UPRT: variants seen among roughly 807,000 people sequenced by gnomAD.
UPRT encodes uracil phosphoribosyltransferase homolog, also known as RP11-311P8.3.
UPRT carries 5 observed loss-of-function variants against 22.6 expected under a neutral mutation model. That is an observed-to-expected ratio of 0.22 (90% CI 0.12 to 0.47). The LOEUF (loss-of-function observed/expected upper bound fraction) is 0.47. Ranked by LOEUF, UPRT falls within the 20% of genes least tolerant of loss-of-function variation. UPRT has a pLI of 0.99. For missense variants in UPRT, 181 were observed against 239.9 expected (o/e 0.75, Z 1.62); for synonymous variants, 77 against 87.7 (o/e 0.88, Z 0.68).
intron 4 of UPRT, among the ~76,000 whole-genome samples, chrX:75,199,014 C>T (rs1057002404): frequency 8.9e-6 from 1 of 112,042 alleles, no homozygotes; most frequent in Non-Finnish European, 1.9e-5. Context: ...ATTCACACAT[C>T]CCAGTGATCA....
chrX:75,292,538 G>T (rs2082712076), intron 1 of UPRT, among the ~76,000 whole-genome samples: 1 of 111,475 alleles, frequency 9.0e-6, no homozygotes, highest in South Asian at 3.7e-4. Flanking sequence ...GCAACTTGAG[G>T]CAAAAGAGTG....
At position 75,177,263 on chromosome X, in the gene UPRT, C is replaced by T. The variant is rs187056506; in HGVS notation, c.-447+9384C>T. On this transcript the variant is annotated intron_variant, in intron 4 of 13. Coordinates refer to the UPRT transcript ENST00000652605. ...CAGAAACAACCCCTGCCCAAGAACC[C>T]GCAATGGTCCCTGGACCCTGCTGAT... Among the ~76,000 whole-genome samples the T allele has an allele frequency of 6.9e-4, 75 of 108,862 alleles. 1 individual carries two copies. Among genetic ancestry groups the T allele is most frequent in the African/African-American group, 1.9e-3 (54 of 28,892 alleles). 94.5% of individuals were successfully genotyped at this position (108,862 alleles called of 115,157 possible). A position where few individuals can be genotyped will look rare whatever the true frequency, so the allele number is the denominator to read the frequency against.
At chrX:75,205,696 T>A (rs961299043) in intron 4 of UPRT, among the ~76,000 whole-genome samples, 3 of 111,830 alleles carry the variant, frequency 2.7e-5, no homozygotes, top group African/African-American at 9.8e-5. Flanking sequence ...CAGCCTGCAA[T>A]CCAGATGCAG....
intron 4 of UPRT, among the ~76,000 whole-genome samples, chrX:75,179,909 C>A (rs993793144): frequency 2.7e-5 from 3 of 112,992 alleles, no homozygotes; most frequent in Non-Finnish European, 3.7e-5. Context: ...CCCTCCACAC[C>A]TCCCTGCAAG....
intron 4 of UPRT, among the ~76,000 whole-genome samples, chrX:75,259,063 G>A (rs2082559165): frequency 9.0e-6 from 1 of 111,649 alleles, no homozygotes; most frequent in African/African-American, 3.3e-5. Flanking sequence ...CAAACAGAAA[G>A]GGATAGCATC....
chrX:75,189,700 C>T lies in UPRT; in HGVS notation c.-447+21821C>T, dbSNP rs764287379. ...GTGCATATATGTTTAGGATATTTAG[C>T]TCTTCTTGTTGAACTGATCCCTTTA... On this transcript the variant is annotated intron_variant, in intron 4 of 13. Coordinates refer to the UPRT transcript ENST00000652605. 4.8e-4 allele frequency among the ~76,000 whole-genome samples: 54 copies of T among 112,269 alleles called. 1 individual carries two copies. The highest frequency in any genetic ancestry group is 4.5e-3 in the South Asian group (12 of 2,669).
At chrX:75,209,068 G>A (rs2082373706) in intron 4 of UPRT, among the ~76,000 whole-genome samples, 1 of 111,933 alleles carries the variant, frequency 8.9e-6, no homozygotes, top group African/African-American at 3.3e-5. Flanking sequence ...GTAGGTAAAG[G>A]GAGTGTTAAA....
At chrX:75,203,516 TCACACACACACA>T (rs368566812) in intron 4 of UPRT, among the ~76,000 whole-genome samples, 4 of 64,621 alleles carry the variant, frequency 6.2e-5, no homozygotes, top group Non-Finnish European at 1.2e-4. Flanking sequence ...ACACACACAC[TCACACACACACA>T]CACACACACA....
At chrX:75,196,682 A>G (rs985261141) in intron 4 of UPRT, among the ~76,000 whole-genome samples, 2 of 111,503 alleles carry the variant, frequency 1.8e-5, no homozygotes, top group Non-Finnish European at 3.8e-5. Flanking sequence ...CCTTGTTTCT[A>G]CTAAAAATAC....
At chrX:75,179,074 G>A (rs756111590) in intron 4 of UPRT, among the ~76,000 whole-genome samples, 18 of 112,100 alleles carry the variant, frequency 1.6e-4, no homozygotes, top group African/African-American at 4.5e-4. Context: ...CCCTACTAGA[G>A]CAGCTAGACA....
In UPRT at chrX:75,303,595, G is replaced by T; in HGVS notation, c.*84G>T. On this transcript the variant is annotated 3_prime_UTR_variant, in exon 7 of 7. Transcript: ENST00000373383. ...TTGTTTTACTGATTCACTTGAGGGT[G>T]GCAGAGAAAAATGTGTTAAAATGCT... The T allele has an allele frequency of 1.2e-6, 1 of 808,236 alleles. No homozygotes were observed. The highest frequency in any genetic ancestry group is 1.7e-6 in the Non-Finnish European group (1 of 577,135). The allele number at this position is 808,236 out of a possible 1,213,427, so 66.6% of individuals were successfully genotyped here.
At chrX:75,180,681 G>GTTTTTT (rs59522302) in intron 4 of UPRT, among the ~76,000 whole-genome samples, 6 of 43,895 alleles carry the variant, frequency 1.4e-4, no homozygotes, top group African/African-American at 3.7e-4. Flanking sequence ...CCTTTTCTCT[G>GTTTTTT]TTTTTTTTTT....
chrX:75,172,072 A>C (rs910198877), intron 4 of UPRT, among the ~76,000 whole-genome samples: 2 of 112,159 alleles, frequency 1.8e-5, no homozygotes, highest in Admixed American at 1.9e-4. Context: ...CTGCCAGGAC[A>C]TGGCAGGCTT....
intron 4 of UPRT, among the ~76,000 whole-genome samples, chrX:75,260,659 C>T (rs1341658842): frequency 1.8e-5 from 2 of 111,596 alleles, no homozygotes; most frequent in Non-Finnish European, 3.8e-5. Context: ...TAACGGGAGA[C>T]TTTAACACTC....
intron 2 of UPRT, 98 bp from the exon 3 acceptor site, chrX:75,296,244 G>A (rs764805970): frequency 1.2e-6 from 1 of 817,534 alleles, no homozygotes; most frequent in East Asian, 3.2e-5. Context: ...CCTTTGCCTA[G>A]TGTGTTCATG....
chrX:75,236,047 C>A (rs928131939), intron 4 of UPRT, among the ~76,000 whole-genome samples: 2 of 110,993 alleles, frequency 1.8e-5, no homozygotes, highest in East Asian at 5.7e-4. Flanking sequence ...ATCTAGTAAA[C>A]CCCATTGTCT....
At chrX:75,191,539 C>T (rs1048138986) in intron 4 of UPRT, among the ~76,000 whole-genome samples, 25 of 110,453 alleles carry the variant, frequency 2.3e-4, no homozygotes, top group African/African-American at 5.6e-4. Flanking sequence ...GCCTTTTGTT[C>T]GGCTATGCCC....
intron 2 of UPRT, chrX:75,294,758 C>T: frequency 3.1e-6 from 1 of 320,320 alleles, no homozygotes; most frequent in Non-Finnish European, 4.4e-6. Context: ...GTCTTTTATG[C>T]TTTTATCAAA....
At chrX:75,239,463 T>A (rs1173991498) in intron 4 of UPRT, among the ~76,000 whole-genome samples, 2 of 110,873 alleles carry the variant, frequency 1.8e-5, no homozygotes, top group East Asian at 5.7e-4. Flanking sequence ...ATAAAAAAAA[T>A]TGCCAACAAC....
Sources: allele counts gnomAD v4.1 joint callset (sites outside exome capture counted in the v4.1 genomes callset), GRCh38; gene constraint gnomAD v4.1.1; transcripts MANE v1.5; gene names NCBI Gene and HGNC (gene_info 2026-07-23, HGNC 2026-07-21).